The following EPHB1 variants were observed in gnomAD, a reference collection of about 807,000 sequenced individuals.
The protein encoded by EPHB1 is ephrin type-B receptor 1.
Under a neutral mutation model 94.4 loss-of-function variants are expected in EPHB1, and 30 were observed. That is an observed-to-expected ratio of 0.32 (90% CI 0.24 to 0.43). The LOEUF (loss-of-function observed/expected upper bound fraction) is 0.43, where lower values mean the gene tolerates loss of function less well. EPHB1 is among the 20% of genes least tolerant of loss of function. EPHB1 has a pLI of 1.00. For missense variants in EPHB1, 1,055 were observed against 1,308.3 expected (o/e 0.81, Z 2.99); for synonymous variants, 522 against 489.1 (o/e 1.07, Z -0.89).
At chr3:135,168,231 C>T (rs1941704551) in intron 9 of EPHB1, among the ~76,000 whole-genome samples, 1 of 152,232 alleles carries the variant, frequency 6.6e-6, no homozygotes, top group Non-Finnish European at 1.5e-5. Flanking sequence ...GCACTTATTG[C>T]TGGAGGGAGT....
At chr3:135,128,784 G>A (rs952401273) in intron 4 of EPHB1, among the ~76,000 whole-genome samples, 4 of 152,198 alleles carry the variant, frequency 2.6e-5, no homozygotes, top group African/African-American at 9.7e-5. Flanking sequence ...AATGCCGGGA[G>A]TATTAGTTAC....
rs572201781 is a variant in EPHB1, at chr3:134,804,071, ATTTTTTTTTTTTTTTTTTT to A, written c.58+8399_58+8417del. Among the ~76,000 whole-genome samples the A allele has an allele frequency of 9.6e-4, 42 of 43,772 alleles. 1 individual carries two copies. The highest frequency in any genetic ancestry group is 2.6e-3 in the African/African-American group (27 of 10,520). 28.7% of individuals were successfully genotyped at this position (43,772 alleles called of 152,430 possible). The stretch of plus-strand genomic sequence containing the variant: ...ACCCCCACTGTGGTCATTATTGGCT[ATTTTTTTTTTTTTTTTTTT>A]TTTTTTTTTTTTTTTTGCTGCATGT... On this transcript the variant is annotated intron_variant, in intron 1 of 15. Transcript: ENST00000398015.
Position 135,104,576 on chromosome 3 carries a change from G to A in EPHB1, c.806-1872G>A, listed in dbSNP as rs184864441. On this transcript the variant is annotated intron_variant, in intron 3 of 15. Transcript: ENST00000398015. Reference sequence around the variant, plus strand: ...TCCAGTGTCTTCCCCGATCCCAGGGGATGCTCTGCAAAGTAAGGCTTCTTG... The same window carrying A: ...TCCAGTGTCTTCCCCGATCCCAGGGAATGCTCTGCAAAGTAAGGCTTCTTG... Among the ~76,000 whole-genome samples the A allele has an allele frequency of 2.0e-5, 3 of 152,304 alleles. No homozygotes were observed. The East Asian group carries it at 5.8e-4, about 29-fold the overall frequency.
At chr3:135,157,975 C>T (rs56330446) in intron 6 of EPHB1, among the ~76,000 whole-genome samples, 7,117 of 152,186 alleles carry the variant, frequency 0.047, 554 homozygotes, top group African/African-American at 0.16. Flanking sequence ...GTCACAGAAC[C>T]AGAACTTTAC....
At chr3:135,114,991 C>CT in intron 4 of EPHB1, among the ~76,000 whole-genome samples, 1 of 152,236 alleles carries the variant, frequency 6.6e-6, no homozygotes, top group Non-Finnish European at 1.5e-5. Flanking sequence ...ACTCTATACT[C>CT]TTTTTCTTCA....
chr3:135,176,648 C>T (rs1271296791), intron 9 of EPHB1, among the ~76,000 whole-genome samples: 3 of 152,160 alleles, frequency 2.0e-5, no homozygotes, highest in South Asian at 2.1e-4. Flanking sequence ...CACTTATTTG[C>T]GCATTACTGG....
chr3:134,928,273 C>G (rs569722174), intron 2 of EPHB1, among the ~76,000 whole-genome samples: 11 of 152,354 alleles, frequency 7.2e-5, no homozygotes, highest in Non-Finnish European at 1.2e-4. Flanking sequence ...GATACGCTCT[C>G]TGCATCCCAG....
intron 1 of EPHB1, among the ~76,000 whole-genome samples, chr3:134,862,959 C>G (rs942480155): frequency 2.0e-5 from 3 of 152,176 alleles, no homozygotes; most frequent in Admixed American, 2.0e-4. Context: ...CTCAGTGGTA[C>G]GGCTTTTCTG....
At position 135,201,468 on chromosome 3, in the gene EPHB1, T is replaced by G; in HGVS notation, c.2131-6T>G. ...TGATCCCAATGCCCTCTATGTCTTA[T>G]TACAGCAAAATGACGGGCAGTTCAC... On this transcript the variant is annotated splice_polypyrimidine_tract_variant and splice_region_variant and intron_variant, in intron 11 of 15. Transcript: ENST00000398015. 6.2e-7 allele frequency: 1 copy of G among 1,613,926 alleles called. No individual in the cohort carries two copies. Among genetic ancestry groups the G allele is most frequent in the Non-Finnish European group, 8.5e-7 (1 of 1,179,952 alleles).
chr3:134,862,515 A>T (rs573290256), intron 1 of EPHB1, among the ~76,000 whole-genome samples: 1 of 148,408 alleles, frequency 6.7e-6, no homozygotes, highest in Non-Finnish European at 1.5e-5. Flanking sequence ...AAAAAAAAAG[A>T]AAAAGAAAAA....
intron 12 of EPHB1, among the ~76,000 whole-genome samples, chr3:135,214,145 G>GC (rs1943090526): frequency 6.6e-6 from 1 of 151,994 alleles, no homozygotes; most frequent in Non-Finnish European, 1.5e-5. Context: ...GATGTTCTCT[G>GC]CCCTGCTGCT....
intron 12 of EPHB1, among the ~76,000 whole-genome samples, chr3:135,222,110 CAT>C (rs1559880566): frequency 6.6e-6 from 1 of 151,190 alleles, no homozygotes; most frequent in East Asian, 1.9e-4. Flanking sequence ...CTGCTCCTAA[CAT>C]ATTATTGTAG....
chr3:134,925,583 C>T (rs1388380613), intron 1 of EPHB1, among the ~76,000 whole-genome samples: 1 of 152,142 alleles, frequency 6.6e-6, no homozygotes, highest in East Asian at 1.9e-4. Context: ...CTGGACTTAG[C>T]ATCAGACGTG....
intron 5 of EPHB1, among the ~76,000 whole-genome samples, chr3:135,150,480 A>C (rs936051294): frequency 7.2e-5 from 11 of 152,252 alleles, no homozygotes; most frequent in African/African-American, 2.2e-4. Context: ...AAAGATGATC[A>C]CAGGCCATTC....
At chr3:135,061,567 A>G (rs1333559374) in intron 3 of EPHB1, among the ~76,000 whole-genome samples, 1 of 152,026 alleles carries the variant, frequency 6.6e-6, no homozygotes, top group Non-Finnish European at 1.5e-5. Context: ...ATGGCTGAGT[A>G]GTATTCCATC....
At chr3:134,871,337 G>A (rs1189151686) in intron 1 of EPHB1, among the ~76,000 whole-genome samples, 1 of 152,076 alleles carries the variant, frequency 6.6e-6, no homozygotes, top group African/African-American at 2.4e-5. Context: ...CAATAAATGA[G>A]TCAGTTTGGC....
chr3:135,072,059 C>G (rs548169765), intron 3 of EPHB1, among the ~76,000 whole-genome samples: 48 of 152,224 alleles, frequency 3.2e-4, no homozygotes, highest in Non-Finnish European at 5.9e-4. Context: ...CTCCACACAG[C>G]AGGCAGATGA....
chr3:134,901,560 A>C (rs1578182530), intron 1 of EPHB1, among the ~76,000 whole-genome samples: 1 of 152,272 alleles, frequency 6.6e-6, no homozygotes, highest in South Asian at 2.1e-4. Flanking sequence ...CAGGCTTCTC[A>C]CCTGCTGGCT....
chr3:135,088,072 A>G (rs1938425444), intron 3 of EPHB1, among the ~76,000 whole-genome samples: 1 of 152,204 alleles, frequency 6.6e-6, no homozygotes. Flanking sequence ...AGGCAGGAAA[A>G]GTAGGACAAG....
Sources: allele counts gnomAD v4.1 joint callset (sites outside exome capture counted in the v4.1 genomes callset), GRCh38; gene constraint gnomAD v4.1.1; transcripts MANE v1.5; gene names NCBI Gene and HGNC (gene_info 2026-07-23, HGNC 2026-07-21).